Variants in SLCO6A1 observed in about 807,000 individuals in gnomAD.
The protein encoded by SLCO6A1 is solute carrier organic anion transporter family member 6A1, also known as cancer/testis antigen 48.
SLCO6A1 carries 65 observed loss-of-function variants against 72.7 expected under a neutral mutation model. That is an observed-to-expected ratio of 0.89 (90% confidence interval 0.73 to 1.10). SLCO6A1 has a LOEUF of 1.10. Ranked by LOEUF, SLCO6A1 falls within the 50% of genes least tolerant of loss-of-function variation. The pLI, the probability that SLCO6A1 is intolerant of heterozygous loss-of-function variation, is 0.00. For missense variants in SLCO6A1, 874 were observed against 872.6 expected (o/e 1.00, Z -0.02); for synonymous variants, 314 against 298.2 (o/e 1.05, Z -0.55).
At chr5:102,465,963 T>A (rs1030439966) in intron 4 of SLCO6A1, among the ~76,000 whole-genome samples, 1 of 152,044 alleles carries the variant, frequency 6.6e-6, no homozygotes. Flanking sequence ...AACCCATTCC[T>A]CCCCCACCAG....
At chr5:102,403,380 C>T (rs994141724) in intron 9 of SLCO6A1, among the ~76,000 whole-genome samples, 1 of 151,608 alleles carries the variant, frequency 6.6e-6, no homozygotes, top group Non-Finnish European at 1.5e-5. Flanking sequence ...TAATTCATGA[C>T]CACTGAAAAT....
chr5:102,467,902 G>A (rs1751391407), intron 4 of SLCO6A1, among the ~76,000 whole-genome samples: 1 of 151,960 alleles, frequency 6.6e-6, no homozygotes, highest in African/African-American at 2.4e-5. Context: ...TGTTTCTCCA[G>A]TTCCTTGAGG....
At chr5:102,391,169 A>C (rs2112521259) in intron 10 of SLCO6A1, 124 bp from the exon 11 acceptor site, 1 of 885,172 alleles carries the variant, frequency 1.1e-6, no homozygotes, top group South Asian at 1.6e-5. Flanking sequence ...ATCTTTAGCC[A>C]ATTGACAGAG....
intron 1 of SLCO6A1, among the ~76,000 whole-genome samples, chr5:102,497,472 A>T (rs1460133322): frequency 6.6e-6 from 1 of 152,230 alleles, no homozygotes; most frequent in Non-Finnish European, 1.5e-5. Context: ...TCCTCTCTGC[A>T]GCTGGCTATC....
At chr5:102,388,332 AT>A (rs1485938939) in intron 12 of SLCO6A1, among the ~76,000 whole-genome samples, 2 of 151,606 alleles carry the variant, frequency 1.3e-5, no homozygotes, top group African/African-American at 4.9e-5. Context: ...TAATCCTTTT[AT>A]TATTTTTTTA....
At chr5:102,406,756 A>G (rs973573605) in intron 9 of SLCO6A1, among the ~76,000 whole-genome samples, 1 of 152,118 alleles carries the variant, frequency 6.6e-6, no homozygotes, top group Non-Finnish European at 1.5e-5. Flanking sequence ...AAAAAAAAAC[A>G]TTAATACTAG....
intron 6 of SLCO6A1, among the ~76,000 whole-genome samples, chr5:102,441,521 G>C (rs1388635798): frequency 6.6e-6 from 1 of 151,962 alleles, no homozygotes. Context: ...CTTTGTTTTA[G>C]GTATCCATTC....
chr5:102,376,363 T>G (rs1213960262), intron 12 of SLCO6A1, among the ~76,000 whole-genome samples: 1 of 152,064 alleles, frequency 6.6e-6, no homozygotes, highest in Admixed American at 6.6e-5. Flanking sequence ...AAAGAATATA[T>G]GTACACGTAC....
chr5:102,489,298 G>A (rs866003837), intron 1 of SLCO6A1, among the ~76,000 whole-genome samples: 15 of 152,096 alleles, frequency 9.9e-5, no homozygotes, highest in African/African-American at 2.4e-4. Context: ...CATCGCATAC[G>A]TTACCCTCAG....
At chr5:102,475,548 CA>C (rs1751851595) in intron 4 of SLCO6A1, 148 bp downstream of exon 4, 2 of 502,700 alleles carry the variant, frequency 4.0e-6, no homozygotes, top group East Asian at 6.2e-5. Context: ...TTTATATGTA[CA>C]AATATGTGCA....
At chr5:102,427,862 ATATTTTT>A (rs1366839936) in intron 7 of SLCO6A1, among the ~76,000 whole-genome samples, 112 of 103,344 alleles carry the variant, frequency 1.1e-3, no homozygotes, top group African/African-American at 6.4e-3. Context: ...ATATATATAT[ATATTTTT>A]TTTTTTTTTT....
rs1561441790 is a variant in SLCO6A1, at chr5:102,414,928, TAAATA to T, written c.1473-1790_1473-1786del. ...GTAAGTAAATAAATAAATAAATAAA[TAAATA>T]AATAAATTAATTAATAAGGCAAGCT... On this transcript the variant is annotated intron_variant, in intron 8 of 13. Transcript: ENST00000506729. 7.6e-3 allele frequency among the ~76,000 whole-genome samples: 1,068 copies of T among 141,156 alleles called. 5 individuals are homozygous for T. The highest frequency in any genetic ancestry group is 0.012 in the Non-Finnish European group (746 of 60,354). The allele number at this position is 141,156 out of a possible 152,430, so 92.6% of individuals were successfully genotyped here.
At chr5:102,409,008 T>C (rs1747822531) in intron 9 of SLCO6A1, among the ~76,000 whole-genome samples, 2 of 152,218 alleles carry the variant, frequency 1.3e-5, no homozygotes, top group African/African-American at 2.4e-5. Flanking sequence ...TATTTTATAA[T>C]GAAAACTATA....
At position 102,405,658 on chromosome 5, in the gene SLCO6A1, CCTT is replaced by C. The variant is rs746432672; in HGVS notation, c.1627-5919_1627-5917del. On this transcript the variant is annotated intron_variant, in intron 9 of 13. Coordinates refer to ENST00000506729, the MANE Select transcript of SLCO6A1 (RefSeq NM_173488.5). ...CTAAAAGGATGTCACCAGCCTACCTCCTTTACAAGAAATGCCAAAATAAGTTCT... is the reference window on the plus strand; with the variant it reads ...CTAAAAGGATGTCACCAGCCTACCTCTACAAGAAATGCCAAAATAAGTTCT... Among the ~76,000 whole-genome samples the C allele has an allele frequency of 3.3e-5, 5 of 152,110 alleles. No homozygotes were observed. The East Asian group carries it at 9.6e-4, about 29-fold the overall frequency.
chr5:102,415,925 A>G (rs540702084), intron 8 of SLCO6A1, among the ~76,000 whole-genome samples: 11 of 152,296 alleles, frequency 7.2e-5, no homozygotes, highest in South Asian at 4.1e-4. Context: ...TCAAAAGAAA[A>G]CATACAAATA....
chr5:102,480,103 CTATTT>C, intron 2 of SLCO6A1, 69 bp downstream of exon 2: 2 of 1,333,884 alleles, frequency 1.5e-6, no homozygotes, highest in Non-Finnish European at 1.0e-6. Context: ...TTATCACAGT[CTATTT>C]TAAGTTCCTT....
chr5:102,439,769 C>A (rs533700644), intron 6 of SLCO6A1, among the ~76,000 whole-genome samples: 1 of 152,236 alleles, frequency 6.6e-6, no homozygotes, highest in South Asian at 2.1e-4. Flanking sequence ...TTTATTCCAC[C>A]ATTTCTCCAG....
chr5:102,484,012 C>T (rs766700956), intron 1 of SLCO6A1, among the ~76,000 whole-genome samples: 2 of 152,248 alleles, frequency 1.3e-5, no homozygotes, highest in African/African-American at 2.4e-5. Context: ...GAAGCTCACA[C>T]GTTTTCTAAC....
intron 4 of SLCO6A1, among the ~76,000 whole-genome samples, chr5:102,464,880 C>T (rs1240090316): frequency 2.0e-5 from 3 of 152,004 alleles, no homozygotes; most frequent in African/African-American, 4.8e-5. Context: ...ATAGGTCAAC[C>T]GCTTTAGGTA....
Sources: allele counts gnomAD v4.1 joint callset (sites outside exome capture counted in the v4.1 genomes callset), GRCh38; gene constraint gnomAD v4.1.1; transcripts MANE v1.5; gene names NCBI Gene and HGNC (gene_info 2026-07-23, HGNC 2026-07-21).